The following FAM124A variants were observed in gnomAD, a reference collection of about 807,000 sequenced individuals.
FAM124A encodes family with sequence similarity 124 member A.
A neutral mutation model predicts 24.5 loss-of-function variants in FAM124A; 23 were observed. The observed-to-expected ratio is 0.94, with a 90% CI of 0.68 to 1.33. FAM124A has a LOEUF of 1.33. FAM124A is among the 40% of genes most tolerant of loss of function. The probability of loss-of-function intolerance (pLI) is 0.00; values close to 1 mark genes in which losing one functional copy is unlikely to be tolerated. For synonymous variants in FAM124A, 287 were observed against 314.7 expected, an observed-to-expected ratio of 0.91 and a Z score of 0.93; for missense variants, 623 against 722.8, an observed-to-expected ratio of 0.86 and a Z score of 1.58.
intron 2 of FAM124A, among the ~76,000 whole-genome samples, chr13:51,250,062 G>A (rs1954602464): frequency 6.6e-6 from 1 of 152,228 alleles, no homozygotes; most frequent in Admixed American, 6.5e-5. Context: ...GTTTTCAAGT[G>A]AGACACTTAA....
At chr13:51,242,483 T>C (rs562381658) in intron 2 of FAM124A, among the ~76,000 whole-genome samples, 4 of 152,304 alleles carry the variant, frequency 2.6e-5, no homozygotes, top group African/African-American at 9.6e-5. Flanking sequence ...TGTTTAAGTG[T>C]TTCTAGCTGC....
At chr13:51,242,853 T>TA (rs1053260085) in intron 2 of FAM124A, among the ~76,000 whole-genome samples, 8 of 151,842 alleles carry the variant, frequency 5.3e-5, no homozygotes, top group African/African-American at 1.7e-4. Flanking sequence ...CAGCAAATCA[T>TA]AAAAAAAATG....
intron 3 of FAM124A, among the ~76,000 whole-genome samples, chr13:51,272,000 G>T (rs949003953): frequency 6.6e-6 from 1 of 152,146 alleles, no homozygotes; most frequent in South Asian, 2.1e-4. Flanking sequence ...TTGAGTTTTC[G>T]TAATCCATTT....
rs1261308915 is a variant in FAM124A at position 51,282,647 on chromosome 13, A to C, written c.*1391A>C. On this transcript the variant is annotated 3_prime_UTR_variant, in exon 4 of 4. Transcript: ENST00000322475. Reference sequence around the variant, plus strand: ...TTGAATTAATCATGGCACAGTGTTCATCTCTCTGGAAATGCCCACGCCAGC... The same window carrying C: ...TTGAATTAATCATGGCACAGTGTTCCTCTCTCTGGAAATGCCCACGCCAGC... 6.6e-6 allele frequency: 1 copy of C among 152,162 alleles called. No individual in the cohort carries two copies. 9.4% of individuals were successfully genotyped at this position (152,162 alleles called of 1,614,324 possible). A position where few individuals can be genotyped will look rare whatever the true frequency, so the allele number is the denominator to read the frequency against.
At position 51,281,096 on chromosome 13, in the gene FAM124A, C is replaced by G; in HGVS notation, c.1481C>G (p.Ala494Gly). 6.2e-7 allele frequency: 1 copy of G among 1,614,166 alleles called. No individual in the cohort carries two copies. Among genetic ancestry groups the G allele is most frequent in the Non-Finnish European group, 8.5e-7 (1 of 1,180,036 alleles). ...AGGTCTTCCAGCTCCTCAGCGACAG[C>G]TCGTGCTGCTCCCCCAGCTCCCAGC... ...TKRSSSSSAT[A>G]RAAPPAPSTS... Residue 494 changes from alanine (A) to glycine (G), a missense_variant, in exon 4 of 4, where the codon GCT becomes GGT. Coordinates refer to ENST00000322475, the MANE Select transcript of FAM124A (RefSeq NM_001242312.2).
In FAM124A at chr13:51,258,316, T is replaced by C. The variant is rs1954696551; in HGVS notation, c.834+6115T>C. ...TACTAGGGGATGGAACTTGAACATATGAATTTTGAGGGGACACAGTTCAAC... is the reference window on the plus strand; with the variant it reads ...TACTAGGGGATGGAACTTGAACATACGAATTTTGAGGGGACACAGTTCAAC... On this transcript the variant is annotated intron_variant, in intron 3 of 3. Transcript: ENST00000322475. The surrounding 1 kb of genome is among the most constrained non-coding windows in gnomAD (Gnocchi z 4.2). Among the ~76,000 whole-genome samples the C allele has an allele frequency of 6.6e-6, 1 of 152,230 alleles. No individual in the cohort carries two copies. The highest frequency in any genetic ancestry group is 6.5e-5 in the Admixed American group (1 of 15,288).
intron 2 of FAM124A, among the ~76,000 whole-genome samples, chr13:51,234,453 A>G (rs1954414134): frequency 6.6e-6 from 1 of 152,236 alleles, no homozygotes; most frequent in Non-Finnish European, 1.5e-5. Context: ...GAAAGGTATA[A>G]GAGTGGTGGC....
At chr13:51,232,584 G>A (rs554980124) in intron 2 of FAM124A, among the ~76,000 whole-genome samples, 16 of 152,240 alleles carry the variant, frequency 1.1e-4, no homozygotes, top group Admixed American at 8.5e-4. Context: ...AGCAATTTCT[G>A]GTCAGTTCAG....
intron 3 of FAM124A, among the ~76,000 whole-genome samples, chr13:51,269,190 A>G (rs537958849): frequency 6.6e-6 from 1 of 152,282 alleles, no homozygotes; most frequent in South Asian, 2.1e-4. Flanking sequence ...GCAACACCAA[A>G]CTGTTGGAAA....
chr13:51,245,512 T>C, intron 2 of FAM124A: 1 of 441,294 alleles, frequency 2.3e-6, no homozygotes, highest in Non-Finnish European at 4.0e-6. Flanking sequence ...TTCAGACTGC[T>C]CTTTGTTAGA....
At position 51,277,103 on chromosome 13, in the gene FAM124A, GA is replaced by G. The variant is rs143603641; in HGVS notation, c.835-3338del. On this transcript the variant is annotated intron_variant, in intron 3 of 3. Coordinates refer to ENST00000322475, the MANE Select transcript of FAM124A (RefSeq NM_001242312.2). Reference sequence around the variant, plus strand: ...TAAGTGTCCATCAAGTGGATGACTGGAAAAAAAAATGCGGTATATATAGCAT... The same window carrying G: ...TAAGTGTCCATCAAGTGGATGACTGGAAAAAAAATGCGGTATATATAGCAT... 9.3e-5 allele frequency among the ~76,000 whole-genome samples: 14 copies of G among 150,668 alleles called. 1 individual carries two copies. In the South Asian group the frequency reaches 2.3e-3, roughly 25 times the overall value.
At chr13:51,240,538 T>A (rs1354287972) in intron 2 of FAM124A, among the ~76,000 whole-genome samples, 3 of 152,160 alleles carry the variant, frequency 2.0e-5, no homozygotes, top group Non-Finnish European at 4.4e-5. Flanking sequence ...GCCCCAGGCT[T>A]GAGGAGAGTG....
intron 3 of FAM124A, among the ~76,000 whole-genome samples, chr13:51,278,136 G>A (rs1954901377): frequency 1.3e-5 from 2 of 152,204 alleles, no homozygotes; most frequent in South Asian, 4.1e-4. Flanking sequence ...AGAAAGAAAG[G>A]AACGAGTACA....
chr13:51,258,503 G>A lies in FAM124A; in HGVS notation c.834+6302G>A, dbSNP rs1055214519. Among the ~76,000 whole-genome samples, 3 of 152,182 alleles carry A rather than the reference G, an allele frequency of 2.0e-5. No homozygotes were observed. The highest frequency in any genetic ancestry group is 7.2e-5 in the African/African-American group (3 of 41,442). The stretch of plus-strand genomic sequence containing the variant: ...ACCCTCTTCAGACTCTAATGTCTGG[G>A]TTATTGGGCAGCCCCTTATGCCAGG... On this transcript the variant is annotated intron_variant, in intron 3 of 3. Coordinates refer to ENST00000322475, the MANE Select transcript of FAM124A (RefSeq NM_001242312.2). This position sits in a 1 kb window ranked among gnomAD's most constrained non-coding sequence, Gnocchi z 4.2.
At chr13:51,223,828 A>AGT (rs72514749) in intron 1 of FAM124A, among the ~76,000 whole-genome samples, 2 of 115,652 alleles carry the variant, frequency 1.7e-5, no homozygotes, top group East Asian at 7.0e-4. Flanking sequence ...ATCAACTTTA[A>AGT]CAAGATTATT....
intron 1 of FAM124A, 90 bp downstream of exon 1, chr13:51,222,659 C>T (rs1954273352): frequency 4.4e-6 from 5 of 1,148,792 alleles, no homozygotes; most frequent in Middle Eastern, 3.4e-4. Context: ...CTGATCCGTG[C>T]GACGGGACCG....
intron 3 of FAM124A, among the ~76,000 whole-genome samples, chr13:51,254,223 G>A (rs980611126): frequency 6.6e-6 from 1 of 152,126 alleles, no homozygotes; most frequent in Non-Finnish European, 1.5e-5. Context: ...GTTGAATGGA[G>A]CTATATATTG....
chr13:51,280,790 C>T lies in FAM124A; in HGVS notation c.1175C>T (p.Ala392Val), dbSNP rs1211061430. The change falls in exon 4 of 4, where the codon GCA (alanine) becomes GTA (valine). Residue 392 changes from alanine to valine, a missense_variant. Coordinates refer to ENST00000322475, the MANE Select transcript of FAM124A (RefSeq NM_001242312.2). ...FSNTGAPGHR[A>V]SEWRHGHLLS... ...AACACAGGTGCCCCAGGGCACAGGG[C>T]ATCAGAGTGGAGGCATGGCCACCTC... The T allele has an allele frequency of 1.2e-6, 2 of 1,614,222 alleles. No homozygotes were observed. Among genetic ancestry groups the T allele is most frequent in the Admixed American group, 1.7e-5 (1 of 60,024 alleles).
chr13:51,271,649 T>G (rs951753797), intron 3 of FAM124A, among the ~76,000 whole-genome samples: 1 of 152,134 alleles, frequency 6.6e-6, no homozygotes, highest in Non-Finnish European at 1.5e-5. Flanking sequence ...GCAACCAGGA[T>G]TGCAAAGTAC....
Sources: gnomAD v4.1 joint callset for allele counts (sites outside exome capture counted in the v4.1 genomes callset) on GRCh38, gnomAD v4.1.1 for gene constraint, Gnocchi (gnomAD v3.1) non-coding constraint, MANE v1.5 for transcripts, NCBI Gene and HGNC (gene_info 2026-07-23, HGNC 2026-07-21) for gene names.